The following ZFPM2 variants were observed in gnomAD, a reference collection of about 807,000 sequenced individuals.
ZFPM2 encodes zinc finger protein ZFPM2.
In ZFPM2, 20 loss-of-function variants were observed where a neutral mutation model predicts 98.6. The observed-to-expected ratio is 0.20, with a 90% CI of 0.14 to 0.29. ZFPM2 has a LOEUF of 0.29. Among genes scored for constraint, ZFPM2 ranks in the 10% least tolerant of loss-of-function variants. ZFPM2 has a pLI of 1.00. For missense variants in ZFPM2, 1,310 were observed against 1,388.6 expected, an observed-to-expected ratio of 0.94 and a Z score of 0.90; for synonymous variants, 518 against 502.7, an observed-to-expected ratio of 1.03 and a Z score of -0.41.
intron 1 of ZFPM2, among the ~76,000 whole-genome samples, chr8:105,351,223 T>G (rs1812637035): frequency 6.6e-6 from 1 of 152,004 alleles, no homozygotes; most frequent in Admixed American, 6.6e-5. Context: ...TGCATATAAT[T>G]TATGCAATCC....
At chr8:105,461,007 A>C (rs1812695046) in intron 3 of ZFPM2, among the ~76,000 whole-genome samples, 1 of 152,076 alleles carries the variant, frequency 6.6e-6, no homozygotes. Flanking sequence ...GACATTTTTT[A>C]AAAGCTTGAA....
At chr8:105,732,308 T>G (rs774860835) in intron 5 of ZFPM2, among the ~76,000 whole-genome samples, 11 of 151,824 alleles carry the variant, frequency 7.2e-5, no homozygotes, top group Admixed American at 1.3e-4. Flanking sequence ...CTTAATCTCC[T>G]TAAAGCACCT....
intron 2 of ZFPM2, among the ~76,000 whole-genome samples, chr8:105,424,893 G>A (rs1192395760): frequency 2.0e-5 from 3 of 152,128 alleles, no homozygotes; most frequent in South Asian, 2.1e-4. Context: ...TATAAAGTTC[G>A]GTGAGATAGA....
At chr8:105,611,171 C>A (rs1456168777) in intron 4 of ZFPM2, among the ~76,000 whole-genome samples, 1 of 152,056 alleles carries the variant, frequency 6.6e-6, no homozygotes, top group Non-Finnish European at 1.5e-5. Flanking sequence ...TGCACCCTGG[C>A]CATTCTGCAG....
chr8:105,365,182 A>G (rs1023600733), intron 1 of ZFPM2, among the ~76,000 whole-genome samples: 2 of 152,196 alleles, frequency 1.3e-5, no homozygotes, highest in Non-Finnish European at 2.9e-5. Flanking sequence ...CACAGGAAGA[A>G]GCTAATATAT....
intron 5 of ZFPM2, among the ~76,000 whole-genome samples, chr8:105,693,937 T>C (rs1202639217): frequency 6.6e-6 from 1 of 151,548 alleles, no homozygotes; most frequent in Non-Finnish European, 1.5e-5. Flanking sequence ...TTTTGAAATA[T>C]ACAATATATT....
intron 4 of ZFPM2, among the ~76,000 whole-genome samples, chr8:105,615,064 G>T (rs563285884): frequency 1.1e-4 from 17 of 152,092 alleles, no homozygotes; most frequent in Non-Finnish European, 2.4e-4. Flanking sequence ...CATGTGTCTT[G>T]TATGGTATGC....
At chr8:105,433,012 A>G (rs1225433677) in intron 2 of ZFPM2, among the ~76,000 whole-genome samples, 1 of 152,022 alleles carries the variant, frequency 6.6e-6, no homozygotes, top group Non-Finnish European at 1.5e-5. Flanking sequence ...AGGCAGGAGG[A>G]TTGCTTGAGC....
chr8:105,793,503 C>A (rs1033622098), intron 6 of ZFPM2, among the ~76,000 whole-genome samples: 2 of 152,144 alleles, frequency 1.3e-5, no homozygotes, highest in African/African-American at 4.8e-5. Context: ...TCCTTTCTCT[C>A]TGGCTGCCCT....
chr8:105,483,359 G>A (rs1171352280), intron 3 of ZFPM2, among the ~76,000 whole-genome samples: 1 of 152,010 alleles, frequency 6.6e-6, no homozygotes, highest in African/African-American at 2.4e-5. Context: ...GGAAGCTGAG[G>A]CGAGTGGATT....
intron 4 of ZFPM2, among the ~76,000 whole-genome samples, chr8:105,606,336 G>A (rs1004191875): frequency 6.6e-5 from 10 of 151,566 alleles, no homozygotes; most frequent in Admixed American, 2.6e-4. Context: ...TTCTATATAC[G>A]TTCAGAAATA....
At chr8:105,694,127 C>CA (rs1810959362) in intron 5 of ZFPM2, among the ~76,000 whole-genome samples, 1 of 151,478 alleles carries the variant, frequency 6.6e-6, no homozygotes, top group African/African-American at 2.4e-5. Flanking sequence ...GGTAGGACTA[C>CA]AGGCGCCTGT....
At chr8:105,662,893 A>G (rs1817419167) in intron 5 of ZFPM2, 1 of 152,010 alleles carries the variant, frequency 6.6e-6, no homozygotes, top group Non-Finnish European at 1.5e-5. Context: ...CTATCCTCAG[A>G]GAAGAGTGTG....
chr8:105,652,324 C>T (rs1013009348), intron 5 of ZFPM2, among the ~76,000 whole-genome samples: 5 of 147,198 alleles, frequency 3.4e-5, no homozygotes, highest in African/African-American at 1.3e-4. Flanking sequence ...AAAACGTCAC[C>T]TTATATGCCT....
At chr8:105,432,921 G>C (rs1812047748) in intron 2 of ZFPM2, among the ~76,000 whole-genome samples, 1 of 152,016 alleles carries the variant, frequency 6.6e-6, no homozygotes, top group Admixed American at 6.6e-5. Context: ...GCAATACAGT[G>C]AGACACTCAT....
chr8:105,487,305 A>G (rs1289424425), intron 3 of ZFPM2, among the ~76,000 whole-genome samples: 3 of 151,936 alleles, frequency 2.0e-5, no homozygotes, highest in African/African-American at 7.3e-5. Flanking sequence ...TTTTTGAAGA[A>G]ATGAGGTCTT....
chr8:105,427,763 T>A (rs558192699), intron 2 of ZFPM2, among the ~76,000 whole-genome samples: 1 of 152,350 alleles, frequency 6.6e-6, no homozygotes, highest in Admixed American at 6.5e-5. Flanking sequence ...CTGAATATGT[T>A]GCACCAATAA....
At chr8:105,589,516 T>C (rs1815797969) in intron 4 of ZFPM2, among the ~76,000 whole-genome samples, 1 of 152,232 alleles carries the variant, frequency 6.6e-6, no homozygotes, top group Non-Finnish European at 1.5e-5. Flanking sequence ...ACAAACGGAA[T>C]GTTCAAGAGA....
chr8:105,800,025 G>A (rs1430607197), intron 7 of ZFPM2, among the ~76,000 whole-genome samples: 2 of 152,010 alleles, frequency 1.3e-5, no homozygotes, highest in Non-Finnish European at 2.9e-5. Flanking sequence ...GAAACATATT[G>A]GTTGTCTCAG....
Sources: allele counts gnomAD v4.1 joint callset (sites outside exome capture counted in the v4.1 genomes callset), GRCh38; gene constraint gnomAD v4.1.1; transcripts MANE v1.5; gene names NCBI Gene and HGNC (gene_info 2026-07-23, HGNC 2026-07-21).